SRGAP2: variants seen among roughly 807,000 people sequenced by gnomAD.
The protein encoded by SRGAP2 is SLIT-ROBO Rho GTPase-activating protein 2.
A neutral mutation model predicts 57.2 loss-of-function variants in SRGAP2; 15 were observed. The observed-to-expected ratio is 0.26, with a 90% CI of 0.18 to 0.40. SRGAP2 has a LOEUF of 0.40. Among genes scored for constraint, SRGAP2 ranks in the 10% least tolerant of loss-of-function variants. The probability of loss-of-function intolerance (pLI) is 1.00; values close to 1 mark genes in which losing one functional copy is unlikely to be tolerated. For missense variants in SRGAP2, 520 were observed against 669.6 expected (o/e 0.78, Z 2.47); for synonymous variants, 249 against 248.0 (o/e 1.00, Z -0.04).
chr1:206,313,796 G>T (rs1447128353), intron 3 of SRGAP2, among the ~76,000 whole-genome samples: 2 of 151,474 alleles, frequency 1.3e-5, no homozygotes, highest in Middle Eastern at 3.4e-3. Flanking sequence ...AAATTAGGTT[G>T]GGATGGTAGG....
At chr1:206,212,168 G>A (rs1666354284) in intron 2 of SRGAP2, among the ~76,000 whole-genome samples, 4 of 151,886 alleles carry the variant, frequency 2.6e-5, no homozygotes, top group Admixed American at 2.6e-4. Flanking sequence ...TAACATAGGG[G>A]TGTTCTTTTT....
intron 4 of SRGAP2, among the ~76,000 whole-genome samples, chr1:206,347,659 C>T (rs1253240107): frequency 3.3e-5 from 5 of 151,120 alleles, no homozygotes; most frequent in South Asian, 4.2e-4. Context: ...TAGAATCCAA[C>T]GTTTTCATCT....
intron 2 of SRGAP2, among the ~76,000 whole-genome samples, chr1:206,238,945 CAG>C (rs1553308521): frequency 6.6e-6 from 1 of 151,080 alleles, no homozygotes; most frequent in African/African-American, 2.4e-5. Flanking sequence ...GTGTGGGTCT[CAG>C]GGCCTGGGCT....
intron 2 of SRGAP2, among the ~76,000 whole-genome samples, chr1:206,296,555 A>C (rs1231457360): frequency 4.0e-5 from 6 of 151,726 alleles, no homozygotes; most frequent in African/African-American, 1.2e-4. Flanking sequence ...TCAGCCTCCC[A>C]AGTAGCTGGG....
chr1:206,409,780 TA>T (rs113368415), intron 10 of SRGAP2, among the ~76,000 whole-genome samples: 158 of 103,846 alleles, frequency 1.5e-3, no homozygotes, highest in Non-Finnish European at 1.7e-3. Flanking sequence ...AGACTCTGCC[TA>T]AAAAAAAAAA....
At chr1:206,433,415 G>T (rs782606905) in intron 14 of SRGAP2, among the ~76,000 whole-genome samples, 1 of 152,170 alleles carries the variant, frequency 6.6e-6, no homozygotes, top group Non-Finnish European at 1.5e-5. Context: ...GAGGTGGGCA[G>T]ATCACTTGAG....
intron 13 of SRGAP2, 107 bp from the exon 14 acceptor site, chr1:206,430,055 G>C: frequency 8.3e-6 from 6 of 721,376 alleles, no homozygotes; most frequent in Non-Finnish European, 1.6e-5. Context: ...TTTGTAGACC[G>C]GCTGGTGATC....
chr1:206,453,237 C>T lies in SRGAP2; in HGVS notation c.2217C>T (p.Tyr739=), dbSNP rs139336071. The T allele has an allele frequency of 1.6e-5, 10 of 634,280 alleles. 1 individual carries two copies. The highest frequency in any genetic ancestry group is 2.4e-5 in the Admixed American group (1 of 42,166). 39.3% of individuals were successfully genotyped at this position (634,280 alleles called of 1,614,324 possible). The change falls in exon 20 of 23, where the codon TAC becomes TAT. Residue 739 remains tyrosine (Y), a synonymous_variant. Transcript: ENST00000573034. ...TCGAGGCCATTGCCAAGTTTGACTA[C>T]GTGGGCCGGACAGCCCGAGAGCTAT... The part of the protein sequence containing the change: ...EPIEAIAKFD[Y]VGRTARELSF...
chr1:206,376,081 C>T (rs1226711269), intron 4 of SRGAP2, among the ~76,000 whole-genome samples: 1 of 148,000 alleles, frequency 6.8e-6, no homozygotes, highest in African/African-American at 2.5e-5. Flanking sequence ...CGAACCATAT[C>T]CTAGTTGTAC....
intron 3 of SRGAP2, among the ~76,000 whole-genome samples, chr1:206,311,235 G>A (rs1346755242): frequency 6.6e-6 from 1 of 152,018 alleles, no homozygotes; most frequent in Non-Finnish European, 1.5e-5. Context: ...TCTAAATATA[G>A]AAGAAGGGGA....
In SRGAP2 at chr1:206,341,432, GT is replaced by G. The variant is rs1254679642; in HGVS notation, c.261-1411del. 5.6e-4 allele frequency among the ~76,000 whole-genome samples: 85 copies of G among 152,100 alleles called. 1 individual carries two copies. Among genetic ancestry groups the G allele is most frequent in the Admixed American group, 3.5e-3 (54 of 15,268 alleles). The stretch of plus-strand genomic sequence containing the variant: ...TTAGCTATATGACCTTGGGCAAAGT[GT>G]TTAAAAATTTTTAGTCTACTTTTCC... On this transcript the variant is annotated intron_variant, in intron 3 of 22. Coordinates refer to ENST00000573034, the MANE Select transcript of SRGAP2 (RefSeq NM_015326.5).
chr1:206,409,741 C>T (rs1553358752), intron 10 of SRGAP2, among the ~76,000 whole-genome samples: 2 of 150,196 alleles, frequency 1.3e-5, no homozygotes, highest in African/African-American at 4.9e-5. Context: ...AAGATCGTGT[C>T]ACTGCACTCC....
intron 6 of SRGAP2, among the ~76,000 whole-genome samples, chr1:206,393,291 T>G (rs550071848): frequency 1.7e-5 from 2 of 117,042 alleles, no homozygotes; most frequent in East Asian, 4.9e-4. Flanking sequence ...ATTGCAAGAA[T>G]GAAGAATGAT....
rs782155240 is a variant in SRGAP2 at position 206,454,155 on chromosome 1, G to A, written c.2361-723G>A. The A allele has an allele frequency of 2.1e-5, 15 of 702,380 alleles. No homozygotes were observed. The highest frequency in any genetic ancestry group is 3.9e-5 in the Non-Finnish European group (15 of 385,004). 43.5% of individuals were successfully genotyped at this position (702,380 alleles called of 1,614,324 possible). A position where few individuals can be genotyped will look rare whatever the true frequency, so the allele number is the denominator to read the frequency against. On this transcript the variant is annotated intron_variant, in intron 20 of 22. Transcript: ENST00000573034. This position sits in a 1 kb window ranked among gnomAD's most constrained non-coding sequence, Gnocchi z 4.3. ...ATTATTTTTTAAAGGTTGATATCCT[G>A]AGTGAGTCTGCACCCTCCCAGCCTC...
intron 2 of SRGAP2, among the ~76,000 whole-genome samples, chr1:206,276,491 G>C (rs1223811219): frequency 2.8e-5 from 4 of 145,116 alleles, no homozygotes; most frequent in Non-Finnish European, 6.0e-5. Flanking sequence ...GGGTGGAGTT[G>C]AGGAAGGGTG....
chr1:206,359,796 C>CTTTT (rs1676747122), intron 4 of SRGAP2, among the ~76,000 whole-genome samples: 2 of 103,664 alleles, frequency 1.9e-5, no homozygotes, highest in Non-Finnish European at 3.6e-5. Context: ...AGGGATATTG[C>CTTTT]TCTTTTTTTT....
intron 4 of SRGAP2, among the ~76,000 whole-genome samples, chr1:206,377,453 A>G (rs1754471): frequency 0.016 from 2,308 of 147,380 alleles, 43 homozygotes; most frequent in East Asian, 0.049. Flanking sequence ...AGAATTTACT[A>G]TGTAATAGCT....
chr1:206,276,892 C>G (rs1670443323), intron 2 of SRGAP2, among the ~76,000 whole-genome samples: 1 of 151,938 alleles, frequency 6.6e-6, no homozygotes, highest in Non-Finnish European at 1.5e-5. Context: ...CTGCCTAGTC[C>G]TGTTGAAGTT....
intron 14 of SRGAP2, among the ~76,000 whole-genome samples, chr1:206,436,179 A>G (rs555032448): frequency 3.4e-4 from 52 of 152,260 alleles, no homozygotes; most frequent in African/African-American, 1.1e-3. Flanking sequence ...CAGGGAAGCC[A>G]AAAGATTGGA....
Sources: allele counts gnomAD v4.1 joint callset (sites outside exome capture counted in the v4.1 genomes callset), GRCh38; gene constraint gnomAD v4.1.1; non-coding constraint Gnocchi (gnomAD v3.1); transcripts MANE v1.5; gene names NCBI Gene and HGNC (gene_info 2026-07-23, HGNC 2026-07-21).